The following FBXL2 variants were observed in gnomAD, a reference collection of about 807,000 sequenced individuals.
FBXL2 encodes F-box and leucine rich repeat protein 2.
In FBXL2, 38 loss-of-function variants were observed where a neutral mutation model predicts 69.2. The observed-to-expected ratio is 0.55, with a 90% CI of 0.42 to 0.72. FBXL2 has a LOEUF of 0.72. Ranked by LOEUF, FBXL2 falls within the 30% of genes least tolerant of loss-of-function variation. The pLI is 0.00. For missense variants in FBXL2, 354 were observed against 520.3 expected (o/e 0.68, Z 3.11); for synonymous variants, 192 against 201.3 (o/e 0.95, Z 0.39).
At chr3:33,317,637 C>G (rs1488313072) in intron 2 of FBXL2, 1 of 381,114 alleles carries the variant, frequency 2.6e-6, no homozygotes, top group East Asian at 7.5e-5. Flanking sequence ...CTATTCCATT[C>G]CATTCCCTAT....
At chr3:33,311,913 G>A (rs888005713) in intron 2 of FBXL2, among the ~76,000 whole-genome samples, 33 of 152,086 alleles carry the variant, frequency 2.2e-4, no homozygotes, top group African/African-American at 8.0e-4. Flanking sequence ...ATGCGCTACT[G>A]CATCCATCCT....
At chr3:33,410,252 G>C in the FBXL2 span, among the ~76,000 whole-genome samples, 1 of 152,144 alleles carries the variant, frequency 6.6e-6, no homozygotes, top group African/African-American at 2.4e-5. Context: ...CAGCCTTAGG[G>C]TTTCACACAG....
intron 9 of FBXL2, among the ~76,000 whole-genome samples, chr3:33,374,451 G>A (rs1256654243): frequency 6.6e-6 from 1 of 152,194 alleles, no homozygotes; most frequent in Non-Finnish European, 1.5e-5. Context: ...TGAAGAGGAT[G>A]CTTGCTACAT....
intron 4 of FBXL2, among the ~76,000 whole-genome samples, chr3:33,364,091 C>A (rs191269071): frequency 2.6e-5 from 4 of 152,334 alleles, no homozygotes; most frequent in Non-Finnish European, 5.9e-5. Flanking sequence ...TCTGCCAGTA[C>A]TCAACAAAAG....
intron 12 of FBXL2, among the ~76,000 whole-genome samples, chr3:33,401,271 G>GA (rs1189268914): frequency 6.6e-6 from 1 of 152,072 alleles, no homozygotes; most frequent in Non-Finnish European, 1.5e-5. Context: ...CAAGTTTTGT[G>GA]AAACAAAAGG....
At chr3:33,335,583 T>TA (rs2039512655) in intron 2 of FBXL2, among the ~76,000 whole-genome samples, 1 of 151,954 alleles carries the variant, frequency 6.6e-6, no homozygotes, top group Non-Finnish European at 1.5e-5. Flanking sequence ...TAGAGGAAAA[T>TA]ACACTGTTAT....
intron 2 of FBXL2, among the ~76,000 whole-genome samples, chr3:33,329,381 A>G (rs944459965): frequency 1.2e-4 from 19 of 152,194 alleles, no homozygotes; most frequent in Non-Finnish European, 2.4e-4. Context: ...ATTTTAAAAT[A>G]GAACTACCAT....
chr3:33,306,852 A>G (rs2036765097), intron 2 of FBXL2, among the ~76,000 whole-genome samples: 2 of 152,014 alleles, frequency 1.3e-5, no homozygotes, highest in Non-Finnish European at 2.9e-5. Flanking sequence ...TATTGTCTAC[A>G]TCATTAATTT....
intron 2 of FBXL2, among the ~76,000 whole-genome samples, chr3:33,337,831 T>C (rs1410351389): frequency 1.3e-5 from 2 of 152,126 alleles, no homozygotes; most frequent in Non-Finnish European, 2.9e-5. Context: ...ACGTCCAAGC[T>C]GAGAGCCAAA....
chr3:33,314,473 G>A (rs1045102988), intron 2 of FBXL2, among the ~76,000 whole-genome samples: 1 of 152,126 alleles, frequency 6.6e-6, no homozygotes, highest in African/African-American at 2.4e-5. Context: ...GTTCATCCAT[G>A]TTGTCACAAA....
Position 33,376,156 on chromosome 3 carries a change from C to CAAA in FBXL2, c.788+747_788+749dup, listed in dbSNP as rs759277673. ...AGGTGACAAGAGTGAGACCCCATCTCAAAAAAAAAAACAAAAAAAACAATA... is the reference window on the plus strand; with the variant it reads ...AGGTGACAAGAGTGAGACCCCATCTCAAAAAAAAAAAAAACAAAAAAAACAATA... On this transcript the variant is annotated intron_variant, in intron 10 of 14. Coordinates refer to ENST00000484457, the MANE Select transcript of FBXL2 (RefSeq NM_012157.5). 4.2e-4 allele frequency among the ~76,000 whole-genome samples: 58 copies of CAAA among 136,568 alleles called. 1 individual carries two copies. The highest frequency in any genetic ancestry group is 1.2e-3 in the East Asian group (6 of 4,806). 89.6% of individuals were successfully genotyped at this position (136,568 alleles called of 152,430 possible). A position where few individuals can be genotyped will look rare whatever the true frequency, so the allele number is the denominator to read the frequency against.
At chr3:33,365,336 A>G (rs1195095716) in intron 5 of FBXL2, among the ~76,000 whole-genome samples, 1 of 151,066 alleles carries the variant, frequency 6.6e-6, no homozygotes, top group African/African-American at 2.4e-5. Context: ...CTGGAGTGCA[A>G]CGGCACAATC....
In FBXL2 at chr3:33,338,110, AT is replaced by A. The variant is rs578052944; in HGVS notation, c.66-20856del. ...TTTTTTTTCACAGAATTAGAAAAAA[AT>A]ATTCTAAAGTTAATGTGGGGCCAGG... On this transcript the variant is annotated intron_variant, in intron 2 of 14. Coordinates refer to ENST00000484457, the MANE Select transcript of FBXL2 (RefSeq NM_012157.5). 4.3e-4 allele frequency among the ~76,000 whole-genome samples: 66 copies of A among 152,306 alleles called. 3 individuals carry two copies. In the East Asian group the frequency reaches 0.013, roughly 29 times the overall value.
chr3:33,385,158 T>A (rs1253719718), intron 14 of FBXL2, among the ~76,000 whole-genome samples: 1 of 152,224 alleles, frequency 6.6e-6, no homozygotes, highest in African/African-American at 2.4e-5. Context: ...ATAGTTCACC[T>A]ACACTGTTTT....
chr3:33,317,613 G>T (rs1168394985), intron 2 of FBXL2: 2 of 432,956 alleles, frequency 4.6e-6, no homozygotes, highest in Non-Finnish European at 9.3e-6. Flanking sequence ...TAGCAGTAGG[G>T]GTATGTTTCT....
At chr3:33,415,439 G>T in the FBXL2 span, among the ~76,000 whole-genome samples, 19 of 152,166 alleles carry the variant, frequency 1.2e-4, no homozygotes, top group African/African-American at 4.3e-4. Context: ...AAGCACAAGG[G>T]GAATAGATGA....
intron 2 of FBXL2, among the ~76,000 whole-genome samples, chr3:33,337,763 G>A (rs532702090): frequency 3.3e-5 from 5 of 152,254 alleles, no homozygotes; most frequent in Admixed American, 3.3e-4. Context: ...CAACTTCAGC[G>A]AAGTTTCAGG....
rs113028072 is a variant in FBXL2, at chr3:33,284,345, T to C, written c.3+6830T>C. Among the ~76,000 whole-genome samples the C allele has an allele frequency of 7.9e-5, 12 of 152,254 alleles. 1 individual carries two copies. The highest frequency in any genetic ancestry group is 2.6e-4 in the African/African-American group (11 of 41,570). ...TCAGGAGCAGGTTGTTCAGTTTCCA[T>C]GTAGAGCACTTTTGAGTGAGTTTCT... On this transcript the variant is annotated intron_variant, in intron 1 of 14. Transcript: ENST00000484457.
At chr3:33,375,620 C>T (rs2042585895) in intron 10 of FBXL2, among the ~76,000 whole-genome samples, 2 of 152,256 alleles carry the variant, frequency 1.3e-5, no homozygotes, top group Admixed American at 6.5e-5. Flanking sequence ...TATAAAATGT[C>T]TACCACCAGT....
Sources: gnomAD v4.1 joint callset for allele counts (sites outside exome capture counted in the v4.1 genomes callset) on GRCh38, gnomAD v4.1.1 for gene constraint, MANE v1.5 for transcripts, NCBI Gene and HGNC (gene_info 2026-07-23, HGNC 2026-07-21) for gene names.